The following RAB3C variants were observed in gnomAD, a reference collection of about 807,000 sequenced individuals.
RAB3C encodes RAB3C, member RAS oncogene family.
RAB3C carries 17 observed loss-of-function variants against 26.4 expected under a neutral mutation model. The ratio of observed to expected loss-of-function variants is 0.64; its 90% CI spans 0.44 to 0.97. The LOEUF (loss-of-function observed/expected upper bound fraction) is 0.97. Ranked by LOEUF, RAB3C falls within the 50% of genes least tolerant of loss-of-function variation. The probability of loss-of-function intolerance (pLI) is 0.00; values close to 1 mark genes in which losing one functional copy is unlikely to be tolerated. For missense variants in RAB3C, 242 were observed against 281.9 expected (o/e 0.86, Z 1.01); for synonymous variants, 91 against 95.9 (o/e 0.95, Z 0.30).
At chr5:58,793,581 C>T (rs1331370987) in intron 3 of RAB3C, among the ~76,000 whole-genome samples, 1 of 138,306 alleles carries the variant, frequency 7.2e-6, no homozygotes, top group Non-Finnish European at 1.5e-5. Flanking sequence ...CATTTTGCCA[C>T]TTTTTTTTTT....
chr5:58,674,877 T>C (rs1748192336), intron 2 of RAB3C, among the ~76,000 whole-genome samples: 1 of 151,884 alleles, frequency 6.6e-6, no homozygotes, highest in African/African-American at 2.4e-5. Flanking sequence ...AAAAGGTCTT[T>C]ATAAACCTGA....
chr5:58,628,986 T>C (rs569217031), intron 2 of RAB3C, among the ~76,000 whole-genome samples: 1 of 122,796 alleles, frequency 8.1e-6, no homozygotes, highest in Admixed American at 1.1e-4. Context: ...TACCCAGAAG[T>C]TCAATACCAG....
chr5:58,813,594 A>T (rs1436388406), intron 3 of RAB3C, among the ~76,000 whole-genome samples: 7,329 of 21,218 alleles, frequency 0.35, 696 homozygotes, highest in African/African-American at 0.52. Flanking sequence ...ATTTATATTT[A>T]TATATATATA....
chr5:58,721,854 A>G (rs1740773493), intron 2 of RAB3C, among the ~76,000 whole-genome samples: 1 of 151,648 alleles, frequency 6.6e-6, no homozygotes, highest in Non-Finnish European at 1.5e-5. Context: ...TACCAATTAG[A>G]TTGTATTTCT....
rs1056215255 is a variant in RAB3C, at chr5:58,805,598, A to AG, written c.372-19440_372-19439insG. 1.5e-4 allele frequency among the ~76,000 whole-genome samples: 22 copies of AG among 147,046 alleles called. 1 individual carries two copies. The highest frequency in any genetic ancestry group is 6.9e-4 in the Admixed American group (10 of 14,580). ...AAGCAAGACTCCATCTGAAAAAAAA[A>AG]AAAAAAGAGAGAGAGAGAAAAAAAG... On this transcript the variant is annotated intron_variant, in intron 3 of 4. Transcript: ENST00000282878.
At chr5:58,731,093 G>A (rs570178061) in intron 3 of RAB3C, among the ~76,000 whole-genome samples, 55 of 152,174 alleles carry the variant, frequency 3.6e-4, no homozygotes, top group Middle Eastern at 3.4e-3. Context: ...TGACACGTGG[G>A]AATTATTACA....
rs569211252 is a variant in RAB3C, at chr5:58,656,759, G to A, written c.252+38889G>A. Among the ~76,000 whole-genome samples, 10 of 152,292 alleles carry A rather than the reference G, an allele frequency of 6.6e-5. No homozygotes were observed. In the East Asian group the frequency reaches 1.9e-3, roughly 29 times the overall value. ...GAGGGTGACTGTGGGAGTCCCTTTA[G>A]AATGAGTGGTCAGGGCTCGACTGGT... is the stretch of plus-strand genomic sequence containing the variant. On this transcript the variant is annotated intron_variant, in intron 2 of 4. Coordinates refer to ENST00000282878, the MANE Select transcript of RAB3C (RefSeq NM_138453.4).
chr5:58,600,429 C>T (rs1156989776), intron 1 of RAB3C, among the ~76,000 whole-genome samples: 1 of 151,944 alleles, frequency 6.6e-6, no homozygotes, highest in Non-Finnish European at 1.5e-5. Flanking sequence ...TTGCTTTTGG[C>T]AGTATGGTCA....
intron 3 of RAB3C, among the ~76,000 whole-genome samples, chr5:58,741,364 G>A (rs1271728462): frequency 6.6e-6 from 1 of 152,166 alleles, no homozygotes; most frequent in East Asian, 1.9e-4. Flanking sequence ...CTCCTTGGAA[G>A]TGGAACTGAT....
chr5:58,825,128 A>C lies in RAB3C; in HGVS notation c.462A>C (p.Ser154=). ...KCDMEDERVI[S]TERGQHLGEQ... ...ACATGGAAGACGAGCGGGTCATCTC[A>C]ACTGAGCGAGGTCAACATTTAGGAG... The change falls in exon 4 of 5, where the codon TCA becomes TCC. Residue 154 remains serine (S), a synonymous_variant. Transcript: ENST00000282878. 1.2e-6 allele frequency: 2 copies of C among 1,612,768 alleles called. No individual in the cohort carries two copies. Among genetic ancestry groups the C allele is most frequent in the Non-Finnish European group, 1.7e-6 (2 of 1,178,986 alleles).
chr5:58,787,829 A>G (rs575965175), intron 3 of RAB3C, among the ~76,000 whole-genome samples: 4 of 152,306 alleles, frequency 2.6e-5, no homozygotes, highest in Admixed American at 2.0e-4. Flanking sequence ...TCTGACGTTC[A>G]AGTCAGTGCT....
chr5:58,620,018 G>T (rs1320463710), intron 2 of RAB3C, among the ~76,000 whole-genome samples: 1 of 151,716 alleles, frequency 6.6e-6, no homozygotes, highest in Admixed American at 6.6e-5. Context: ...TCATGAAAAA[G>T]TCTCTGAAAT....
chr5:58,808,234 A>AAAAAG (rs930028008), intron 3 of RAB3C, among the ~76,000 whole-genome samples: 1 of 151,890 alleles, frequency 6.6e-6, no homozygotes, highest in African/African-American at 2.4e-5. Flanking sequence ...CAAAAAAAAA[A>AAAAAG]AAAAAAAAGA....
chr5:58,616,062 C>A (rs973921749), intron 1 of RAB3C, among the ~76,000 whole-genome samples: 2 of 151,896 alleles, frequency 1.3e-5, no homozygotes, highest in Non-Finnish European at 2.9e-5. Flanking sequence ...AGCACTGTTT[C>A]CTGTTTCTAA....
intron 1 of RAB3C, among the ~76,000 whole-genome samples, chr5:58,596,602 A>G (rs965978662): frequency 8.7e-6 from 1 of 114,744 alleles, no homozygotes; most frequent in Non-Finnish European, 1.7e-5. Context: ...ATAATATATT[A>G]TATATAAATA....
chr5:58,695,698 A>G (rs565816133), intron 2 of RAB3C, among the ~76,000 whole-genome samples: 5 of 152,210 alleles, frequency 3.3e-5, no homozygotes, highest in African/African-American at 1.2e-4. Context: ...GTGAATGGGA[A>G]TTCATTCATG....
intron 3 of RAB3C, among the ~76,000 whole-genome samples, chr5:58,793,518 C>T (rs891146326): frequency 6.9e-6 from 1 of 145,984 alleles, no homozygotes. Context: ...GATCGTGCCG[C>T]TGCACTCCAC....
chr5:58,679,661 T>C (rs889781145), intron 2 of RAB3C, among the ~76,000 whole-genome samples: 1 of 152,222 alleles, frequency 6.6e-6, no homozygotes, highest in Non-Finnish European at 1.5e-5. Flanking sequence ...GCTTTCTCCC[T>C]GAAAATGATG....
chr5:58,798,681 T>C (rs1446761001), intron 3 of RAB3C, among the ~76,000 whole-genome samples: 2 of 152,234 alleles, frequency 1.3e-5, no homozygotes, highest in Admixed American at 1.3e-4. Context: ...ATGAATTTCA[T>C]GTTTACACTT....
Sources: gnomAD v4.1 joint callset for allele counts (sites outside exome capture counted in the v4.1 genomes callset) on GRCh38, gnomAD v4.1.1 for gene constraint, MANE v1.5 for transcripts, NCBI Gene and HGNC (gene_info 2026-07-23, HGNC 2026-07-21) for gene names.